DPP10: variants seen among roughly 807,000 people sequenced by gnomAD.
DPP10 encodes dipeptidyl peptidase like 10.
A neutral mutation model predicts 120.9 loss-of-function variants in DPP10; 33 were observed. The ratio of observed to expected loss-of-function variants is 0.27; its 90% confidence interval spans 0.21 to 0.37. DPP10 has a LOEUF of 0.37. Ranked by LOEUF, DPP10 falls within the 10% of genes least tolerant of loss-of-function variation. The pLI, the probability that DPP10 is intolerant of heterozygous loss-of-function variation, is 1.00. For missense variants in DPP10, 816 were observed against 942.8 expected, an observed-to-expected ratio of 0.87 and a Z score of 1.76; for synonymous variants, 337 against 326.1, an observed-to-expected ratio of 1.03 and a Z score of -0.36.
At chr2:115,332,273 C>G (rs2062796463) in intron 2 of DPP10, among the ~76,000 whole-genome samples, 1 of 151,884 alleles carries the variant, frequency 6.6e-6, no homozygotes, top group African/African-American at 2.4e-5. Flanking sequence ...TGGTAATATC[C>G]CCTTTATCAT....
At chr2:115,251,997 T>C (rs2105675089) in intron 1 of DPP10, among the ~76,000 whole-genome samples, 1 of 152,320 alleles carries the variant, frequency 6.6e-6, no homozygotes, top group Non-Finnish European at 1.5e-5. Context: ...TGAGCATGTC[T>C]AAAAAAGTTT....
At chr2:115,121,271 G>A (rs1008968776) in intron 1 of DPP10, among the ~76,000 whole-genome samples, 1 of 152,216 alleles carries the variant, frequency 6.6e-6, no homozygotes, top group Admixed American at 6.5e-5. Flanking sequence ...TAATATAAAG[G>A]TGTGTGAATC....
intron 3 of DPP10, among the ~76,000 whole-genome samples, chr2:115,452,021 A>T (rs1451900060): frequency 2.6e-5 from 4 of 152,014 alleles, no homozygotes; most frequent in South Asian, 2.1e-4. Context: ...TTGTCAACAG[A>T]TGGGAGCCAG....
At chr2:115,581,841 T>C (rs2082018347) in intron 5 of DPP10, among the ~76,000 whole-genome samples, 1 of 152,108 alleles carries the variant, frequency 6.6e-6, no homozygotes, top group African/African-American at 2.4e-5. Flanking sequence ...CATCATTGTG[T>C]TCACCACAAA....
intron 24 of DPP10, among the ~76,000 whole-genome samples, chr2:115,837,439 T>C (rs1689649017): frequency 6.6e-6 from 1 of 152,174 alleles, no homozygotes; most frequent in Non-Finnish European, 1.5e-5. Context: ...GAAAAATCAA[T>C]TTCAAAAAGG....
intron 1 of DPP10, among the ~76,000 whole-genome samples, chr2:114,666,594 G>A (rs1231150228): frequency 6.6e-6 from 1 of 152,154 alleles, no homozygotes; most frequent in African/African-American, 2.4e-5. Context: ...TGATCATATA[G>A]GCAACCTCTA....
At chr2:114,797,095 A>G (rs1422561795) in intron 1 of DPP10, among the ~76,000 whole-genome samples, 2 of 152,236 alleles carry the variant, frequency 1.3e-5, no homozygotes, top group African/African-American at 4.8e-5. Flanking sequence ...CATGCCCACA[A>G]GAATACCAAA....
intron 1 of DPP10, among the ~76,000 whole-genome samples, chr2:114,955,778 A>G (rs1458984578): frequency 6.6e-6 from 1 of 152,212 alleles, no homozygotes; most frequent in Non-Finnish European, 1.5e-5. Context: ...TGGGACGGAA[A>G]GATGGTTCAA....
chr2:115,198,571 A>T (rs551633541), intron 1 of DPP10, among the ~76,000 whole-genome samples: 26 of 151,874 alleles, frequency 1.7e-4, no homozygotes, highest in Non-Finnish European at 3.7e-4. Context: ...TTCATGTGTT[A>T]CTCCTTCAGC....
intron 5 of DPP10, among the ~76,000 whole-genome samples, chr2:115,549,776 A>C (rs1355128218): frequency 1.3e-5 from 2 of 152,166 alleles, no homozygotes; most frequent in Non-Finnish European, 2.9e-5. Flanking sequence ...TCAATCCCTT[A>C]AAGCTCTACA....
At chr2:114,849,944 T>G (rs1194866120) in intron 1 of DPP10, among the ~76,000 whole-genome samples, 1 of 151,784 alleles carries the variant, frequency 6.6e-6, no homozygotes. Context: ...TGTTCTCTCC[T>G]TTCCTTTCCT....
At chr2:115,805,363 G>A (rs965030145) in intron 19 of DPP10, among the ~76,000 whole-genome samples, 5 of 152,116 alleles carry the variant, frequency 3.3e-5, no homozygotes, top group African/African-American at 4.8e-5. Flanking sequence ...GGAATTCCCT[G>A]ACCCCTTGCG....
At chr2:115,814,217 T>G (rs1305972630) in intron 19 of DPP10, among the ~76,000 whole-genome samples, 1 of 152,216 alleles carries the variant, frequency 6.6e-6, no homozygotes, top group Non-Finnish European at 1.5e-5. Context: ...AGAATTTTTC[T>G]CACTGCTTGT....
chr2:115,092,605 G>C (rs573812892), intron 1 of DPP10, among the ~76,000 whole-genome samples: 1 of 151,662 alleles, frequency 6.6e-6, no homozygotes, highest in Admixed American at 6.6e-5. Context: ...TGAAAAGAGG[G>C]GACAAGATAA....
At chr2:115,780,733 G>T (rs894876762) in intron 15 of DPP10, 141 bp from the exon 16 acceptor site, 4 of 606,672 alleles carry the variant, frequency 6.6e-6, no homozygotes, top group Non-Finnish European at 7.9e-6. Context: ...TTATGTATAT[G>T]GTGATTCATA....
chr2:115,208,217 T>TG (rs2056287376), intron 1 of DPP10, among the ~76,000 whole-genome samples: 1 of 150,822 alleles, frequency 6.6e-6, no homozygotes, highest in Admixed American at 6.6e-5. Flanking sequence ...TTTTTTTTTT[T>TG]GAGATGGAGT....
At chr2:115,152,448 C>G (rs1457908861) in intron 1 of DPP10, among the ~76,000 whole-genome samples, 1 of 152,128 alleles carries the variant, frequency 6.6e-6, no homozygotes, top group Non-Finnish European at 1.5e-5. Context: ...TGATAGTTTT[C>G]TGTTGCTCAT....
At position 115,591,783 on chromosome 2, in the gene DPP10, A is replaced by T. The variant is rs192740663; in HGVS notation, c.441+65811A>T. ...TTCACGATATTAATTCTTCCTATCCATGAGCATAGAACATTCTTCCATTTG... is the reference window on the plus strand; with the variant it reads ...TTCACGATATTAATTCTTCCTATCCTTGAGCATAGAACATTCTTCCATTTG... On this transcript the variant is annotated intron_variant, in intron 5 of 25. Transcript: ENST00000410059. Among the ~76,000 whole-genome samples the T allele has an allele frequency of 5.6e-4, 86 of 152,322 alleles. 1 individual carries two copies. The highest frequency in any genetic ancestry group is 2.0e-3 in the African/African-American group (84 of 41,564).
In DPP10 at chr2:115,067,679, C is replaced by T. The variant is rs193083137; in HGVS notation, c.61-241560C>T. Among the ~76,000 whole-genome samples the T allele has an allele frequency of 9.3e-3, 1,366 of 146,882 alleles. 44 individuals carry two copies. The East Asian group carries it at 0.1, about 11-fold the overall frequency. On this transcript the variant is annotated intron_variant, in intron 1 of 25. Coordinates refer to ENST00000410059, the MANE Select transcript of DPP10 (RefSeq NM_020868.6). Reference sequence around the variant, plus strand: ...GAGATGGAGACCATCCTGGCTAACACGGTGAAACCCCGTCTCTACTAAAAA... The same window carrying T: ...GAGATGGAGACCATCCTGGCTAACATGGTGAAACCCCGTCTCTACTAAAAA...
Sources: allele counts gnomAD v4.1 joint callset (sites outside exome capture counted in the v4.1 genomes callset), GRCh38; gene constraint gnomAD v4.1.1; transcripts MANE v1.5; gene names NCBI Gene and HGNC (gene_info 2026-07-23, HGNC 2026-07-21).